Variants in PRKN observed in about 807,000 individuals in gnomAD.
PRKN encodes parkin RBR E3 ubiquitin protein ligase.
In PRKN, 56 loss-of-function variants were observed where a neutral mutation model predicts 59.5. That is an observed-to-expected ratio of 0.94 (90% confidence interval 0.76 to 1.18). PRKN has a LOEUF of 1.18. PRKN is among the 50% of genes most tolerant of loss of function. The pLI is 0.00. For synonymous variants in PRKN, 250 were observed against 222.1 expected (o/e 1.13, Z -1.12); for missense variants, 657 against 596.4 (o/e 1.10, Z -1.06).
Position 162,095,009 on chromosome 6 carries a change from C to A in PRKN, c.535-40835G>T, listed in dbSNP as rs144185411. ...GATGCCAGATGGGTACATGGACAGT[C>A]ACACAGATGGAGAGATGGTAGGTGG... On this transcript the variant is annotated intron_variant, in intron 4 of 11. Transcript: ENST00000366898. Among the ~76,000 whole-genome samples the A allele has an allele frequency of 1.2e-3, 190 of 152,132 alleles. 1 individual carries two copies. Among genetic ancestry groups the A allele is most frequent in the African/African-American group, 4.5e-3 (186 of 41,498 alleles).
intron 7 of PRKN, among the ~76,000 whole-genome samples, chr6:161,621,121 C>G (rs545602864): frequency 1.3e-5 from 2 of 152,034 alleles, no homozygotes; most frequent in Non-Finnish European, 2.9e-5. Context: ...TCAAAGGGGC[C>G]AGGGTTTTGC....
intron 2 of PRKN, among the ~76,000 whole-genome samples, chr6:162,302,939 G>T (rs1782025039): frequency 2.1e-5 from 3 of 140,258 alleles, no homozygotes; most frequent in African/African-American, 2.6e-5. Context: ...AGGGCCTATG[G>T]GTGAGTATTA....
chr6:161,616,696 G>C (rs1582895919), intron 7 of PRKN, among the ~76,000 whole-genome samples: 1 of 152,072 alleles, frequency 6.6e-6, no homozygotes, highest in African/African-American at 2.4e-5. Flanking sequence ...TTTGCTGAGA[G>C]TGATGGTTTC....
chr6:162,269,987 A>G (rs552415457), intron 2 of PRKN: 1 of 152,304 alleles, frequency 6.6e-6, no homozygotes, highest in East Asian at 1.9e-4. Flanking sequence ...CTAAAAGCAG[A>G]ACTACCATTT....
chr6:161,842,691 A>G (rs1003033005), intron 6 of PRKN, among the ~76,000 whole-genome samples: 8 of 151,910 alleles, frequency 5.3e-5, no homozygotes, highest in Non-Finnish European at 8.8e-5. Context: ...CAGCCTCACA[A>G]GTAGGTGGGA....
chr6:162,563,768 T>C (rs977837274), intron 1 of PRKN, among the ~76,000 whole-genome samples: 1 of 152,118 alleles, frequency 6.6e-6, no homozygotes, highest in Non-Finnish European at 1.5e-5. Context: ...AGAAAATTCA[T>C]GATAACACAG....
At chr6:161,867,236 T>C (rs1206587645) in intron 6 of PRKN, among the ~76,000 whole-genome samples, 1 of 152,208 alleles carries the variant, frequency 6.6e-6, no homozygotes. Flanking sequence ...CTGTAAAACA[T>C]GTAGAAAGGG....
chr6:162,205,060 A>C (rs1784881952), intron 3 of PRKN, among the ~76,000 whole-genome samples: 1 of 151,834 alleles, frequency 6.6e-6, no homozygotes, highest in Non-Finnish European at 1.5e-5. Flanking sequence ...ACAGGGTTTC[A>C]CCATGTTGGC....
intron 4 of PRKN, among the ~76,000 whole-genome samples, chr6:162,097,610 C>A (rs1779798811): frequency 6.6e-6 from 1 of 152,208 alleles, no homozygotes; most frequent in East Asian, 1.9e-4. Flanking sequence ...TGCCTAAAAT[C>A]TCCAGTGGTT....
Position 161,459,480 on chromosome 6 carries a change from G to A in PRKN, c.1084-72603C>T, listed in dbSNP as rs9458269. On this transcript the variant is annotated intron_variant, in intron 9 of 11. Transcript: ENST00000366898. This position sits in a 1 kb window ranked among gnomAD's most constrained non-coding sequence, Gnocchi z 4.8. The stretch of plus-strand genomic sequence containing the variant: ...ACCATTTCTTAGTGTGGAGTGCAGG[G>A]ACCTGGTTCTGAGCAAAGTAGTGGG... Among the ~76,000 whole-genome samples the A allele has an allele frequency of 0.03, 4,608 of 152,270 alleles. 223 individuals carry two copies. The highest frequency in any genetic ancestry group is 0.1 in the African/African-American group (4,139 of 41,534).
chr6:162,669,527 T>C (rs1206977443), intron 1 of PRKN, among the ~76,000 whole-genome samples: 1 of 152,180 alleles, frequency 6.6e-6, no homozygotes, highest in Non-Finnish European at 1.5e-5. Flanking sequence ...CGTTACCCCA[T>C]TTGCAATCTC....
intron 9 of PRKN, among the ~76,000 whole-genome samples, chr6:161,500,629 G>A (rs1777924769): frequency 6.6e-6 from 1 of 152,104 alleles, no homozygotes; most frequent in South Asian, 2.1e-4. Flanking sequence ...CCCATGGCTT[G>A]ACAGTACGTT....
intron 7 of PRKN, among the ~76,000 whole-genome samples, chr6:161,767,329 C>T (rs550910599): frequency 1.5e-4 from 23 of 152,180 alleles, no homozygotes; most frequent in African/African-American, 3.4e-4. Context: ...CTGGCTAACA[C>T]GGTGAAACGC....
intron 3 of PRKN, among the ~76,000 whole-genome samples, chr6:162,215,473 A>G (rs1010778945): frequency 2.6e-5 from 4 of 152,190 alleles, no homozygotes; most frequent in African/African-American, 9.6e-5. Flanking sequence ...TTACAGTGTC[A>G]GGATTCTAAA....
Position 162,484,194 on chromosome 6 carries a change from G to C in PRKN, c.8-40721C>G, listed in dbSNP as rs1792438070. Among the ~76,000 whole-genome samples the C allele has an allele frequency of 2.0e-5, 3 of 152,126 alleles. No individual in the cohort carries two copies. In the South Asian group the frequency reaches 6.2e-4, roughly 32 times the overall value. On this transcript the variant is annotated intron_variant, in intron 1 of 11. Coordinates refer to ENST00000366898, the MANE Select transcript of PRKN (RefSeq NM_004562.3). ...ACTGTAAATCCTAGTGGAAAATTTTGAAATTTGAATCATGTAAATATATTA... is the reference window on the plus strand; with the variant it reads ...ACTGTAAATCCTAGTGGAAAATTTTCAAATTTGAATCATGTAAATATATTA...
intron 6 of PRKN, among the ~76,000 whole-genome samples, chr6:161,849,984 C>T (rs1462509540): frequency 6.6e-6 from 1 of 152,032 alleles, no homozygotes; most frequent in African/African-American, 2.4e-5. Context: ...AGCACAGTCC[C>T]AAGGATAGAG....
intron 1 of PRKN, among the ~76,000 whole-genome samples, chr6:162,466,000 CAA>C (rs1289843773): frequency 1.3e-5 from 2 of 152,082 alleles, no homozygotes; most frequent in African/African-American, 2.4e-5. Context: ...CTCCAAATAA[CAA>C]AGTGTTGAAA....
At position 162,556,345 on chromosome 6, in the gene PRKN, GTGT is replaced by G. The variant is rs1562381796; in HGVS notation, c.8-112875_8-112873del. Among the ~76,000 whole-genome samples the G allele has an allele frequency of 4.2e-3, 215 of 50,800 alleles. 4 individuals carry two copies. The highest frequency in any genetic ancestry group is 0.022 in the Middle Eastern group (2 of 90). 33.3% of individuals were successfully genotyped at this position (50,800 alleles called of 152,430 possible). ...ACCAAGCAGTAACTACTCAGCTGGT[GTGT>G]GTGTGTGTGTGTGTGTGTGTGTGTG... On this transcript the variant is annotated intron_variant, in intron 1 of 11. Coordinates refer to ENST00000366898, the MANE Select transcript of PRKN (RefSeq NM_004562.3).
intron 2 of PRKN, among the ~76,000 whole-genome samples, chr6:162,415,000 A>T (rs1296686386): frequency 6.6e-6 from 1 of 152,126 alleles, no homozygotes; most frequent in Non-Finnish European, 1.5e-5. Flanking sequence ...ATGCTAAGGA[A>T]CAGTTAAAAT....
Sources: gnomAD v4.1 joint callset for allele counts (sites outside exome capture counted in the v4.1 genomes callset) on GRCh38, gnomAD v4.1.1 for gene constraint, Gnocchi (gnomAD v3.1) non-coding constraint, MANE v1.5 for transcripts, NCBI Gene and HGNC (gene_info 2026-07-23, HGNC 2026-07-21) for gene names.